PLCL2: variants seen among roughly 807,000 people sequenced by gnomAD.
PLCL2 encodes inactive phospholipase C-like protein 2.
Under a neutral mutation model 79.6 loss-of-function variants are expected in PLCL2, and 4 were observed. The ratio of observed to expected loss-of-function variants is 0.05; its 90% CI spans 0.02 to 0.11. The LOEUF is 0.11. Ranked by LOEUF, PLCL2 falls within the 10% of genes least tolerant of loss-of-function variation. The pLI, the probability that PLCL2 is intolerant of heterozygous loss-of-function variation, is 1.00. For synonymous variants in PLCL2, 484 were observed against 457.7 expected (o/e 1.06, Z -0.73); for missense variants, 895 against 1,291.0 (o/e 0.69, Z 4.70).
At chr3:17,073,717 A>G (rs1293496261) in intron 5 of PLCL2, among the ~76,000 whole-genome samples, 1 of 152,248 alleles carries the variant, frequency 6.6e-6, no homozygotes, top group African/African-American at 2.4e-5. Context: ...AATTACAGCA[A>G]TGTTCACAGC....
intron 1 of PLCL2, among the ~76,000 whole-genome samples, chr3:16,937,013 C>T (rs776609311): frequency 6.6e-6 from 1 of 151,982 alleles, no homozygotes; most frequent in Admixed American, 6.6e-5. Flanking sequence ...TAGTAATATC[C>T]GTGGTTTCTA....
At chr3:17,061,875 G>T (rs1409372232) in intron 4 of PLCL2, among the ~76,000 whole-genome samples, 2 of 152,110 alleles carry the variant, frequency 1.3e-5, no homozygotes, top group Non-Finnish European at 2.9e-5. Flanking sequence ...GACCAGAACT[G>T]AATTAAACTC....
At chr3:17,039,557 A>G (rs2064697790) in intron 3 of PLCL2, among the ~76,000 whole-genome samples, 1 of 152,234 alleles carries the variant, frequency 6.6e-6, no homozygotes, top group Admixed American at 6.5e-5. Flanking sequence ...CCAAAATGAT[A>G]AAAAGATACT....
Position 16,885,113 on chromosome 3 carries a change from A to C in PLCL2, c.74A>C (p.Lys25Thr). The change falls in exon 1 of 6, where the codon AAG becomes ACG. Residue 25 changes from lysine (K) to threonine (T), a missense_variant. Transcript: ENST00000615277. The part of the protein sequence containing the change: ...PTSPGPALGA[K>T]GALKAGVGEG... ...TCCCCGGGCCCGGCCCTCGGCGCCA[A>C]GGGCGCCCTGAAAGCCGGAGTGGGG... The C allele has an allele frequency of 2.2e-6, 1 of 463,990 alleles. No individual in the cohort carries two copies. 28.7% of individuals were successfully genotyped at this position (463,990 alleles called of 1,614,324 possible).
intron 4 of PLCL2, among the ~76,000 whole-genome samples, chr3:17,066,512 G>T (rs2065012613): frequency 6.6e-6 from 1 of 152,232 alleles, no homozygotes; most frequent in Non-Finnish European, 1.5e-5. Context: ...AAGGGAATTA[G>T]AAGTTGGAAT....
In PLCL2 at chr3:17,010,582, T is replaced by C. The variant is rs933140549; in HGVS notation, c.1236T>C (p.Pro412=). ...GGTTCACTAATTACCTTATGTCACC[T>C]GACTGTTATATATTCGATCCAGAAC... ...IDGFTNYLMS[P]DCYIFDPEHK... The change falls in exon 2 of 6, where the codon CCT becomes CCC. Residue 412 remains proline (P), a synonymous_variant. Transcript: ENST00000615277. The surrounding 1 kb of genome is among the most constrained non-coding windows in gnomAD (Gnocchi z 5.8). 6.2e-7 allele frequency: 1 copy of C among 1,614,182 alleles called. No individual in the cohort carries two copies. The highest frequency in any genetic ancestry group is 2.2e-5 in the East Asian group (1 of 44,886).
At chr3:16,989,577 C>T (rs1407469371) in intron 1 of PLCL2, among the ~76,000 whole-genome samples, 7 of 151,890 alleles carry the variant, frequency 4.6e-5, no homozygotes, top group Non-Finnish European at 1.0e-4. Flanking sequence ...TTTATTTTAC[C>T]TGTTTCTTTT....
intron 4 of PLCL2, among the ~76,000 whole-genome samples, chr3:17,044,537 A>G (rs771511163): frequency 1.3e-5 from 2 of 152,208 alleles, no homozygotes; most frequent in Non-Finnish European, 2.9e-5. Flanking sequence ...AATGCATTCC[A>G]TCTTGTAAAC....
chr3:16,948,316 T>C (rs1423707268), intron 1 of PLCL2, among the ~76,000 whole-genome samples: 1 of 151,910 alleles, frequency 6.6e-6, no homozygotes, highest in Non-Finnish European at 1.5e-5. Context: ...ATAGGGCAGA[T>C]CTGTGTGGGG....
chr3:17,021,678 G>A (rs1235944974), intron 3 of PLCL2, among the ~76,000 whole-genome samples: 1 of 151,786 alleles, frequency 6.6e-6, no homozygotes, highest in Non-Finnish European at 1.5e-5. Flanking sequence ...AGCACTTTAG[G>A]GGATGGCAGT....
intron 1 of PLCL2, among the ~76,000 whole-genome samples, chr3:16,924,927 G>T (rs1450131007): frequency 3.4e-5 from 5 of 149,002 alleles, no homozygotes; most frequent in South Asian, 2.1e-4. Flanking sequence ...ATACAAGTTT[G>T]TTTGTTTTTT....
chr3:16,902,688 A>T (rs942555719), intron 1 of PLCL2, among the ~76,000 whole-genome samples: 2 of 152,026 alleles, frequency 1.3e-5, no homozygotes, highest in Non-Finnish European at 2.9e-5. Flanking sequence ...TTAGCTGGGC[A>T]TGGTGATGCG....
At chr3:16,926,075 G>A (rs1697242227) in intron 1 of PLCL2, among the ~76,000 whole-genome samples, 1 of 152,282 alleles carries the variant, frequency 6.6e-6, no homozygotes, top group Non-Finnish European at 1.5e-5. Context: ...AATTTGCAAG[G>A]AGAATGTCTG....
In PLCL2 at chr3:16,915,262, C is replaced by T. The variant is rs1391282265; in HGVS notation, c.327+29896C>T. On this transcript the variant is annotated intron_variant, in intron 1 of 5. Coordinates refer to ENST00000615277, the MANE Select transcript of PLCL2 (RefSeq NM_001144382.2). The stretch of plus-strand genomic sequence containing the variant: ...ATAAAGGTCTAGAAGTTGCTTCAGA[C>T]GTCATTGAAATTTTTATATTTATTC... Among the ~76,000 whole-genome samples, 6 of 152,278 alleles carry T rather than the reference C, an allele frequency of 3.9e-5. 1 individual carries two copies. In the South Asian group the frequency reaches 6.2e-4, roughly 16 times the overall value.
At chr3:17,018,830 G>A (rs541429352) in intron 3 of PLCL2, among the ~76,000 whole-genome samples, 6 of 152,256 alleles carry the variant, frequency 3.9e-5, no homozygotes, top group African/African-American at 1.2e-4. Flanking sequence ...TAAGCTCTTA[G>A]CACGTGCACT....
intron 3 of PLCL2, among the ~76,000 whole-genome samples, chr3:17,023,849 C>T (rs1680096452): frequency 6.6e-6 from 1 of 152,194 alleles, no homozygotes; most frequent in Admixed American, 6.6e-5. Flanking sequence ...AGCTCTGAAA[C>T]TTGTCCTTTG....
intron 3 of PLCL2, among the ~76,000 whole-genome samples, chr3:17,032,504 CT>C (rs2064594542): frequency 6.6e-6 from 1 of 151,938 alleles, no homozygotes; most frequent in African/African-American, 2.4e-5. Flanking sequence ...TGTAGATGTG[CT>C]TTTTTATTTT....
chr3:17,066,800 C>T (rs1412519968), intron 4 of PLCL2, among the ~76,000 whole-genome samples: 14 of 152,096 alleles, frequency 9.2e-5, no homozygotes, highest in Non-Finnish European at 8.8e-5. Context: ...GGACACTGTA[C>T]ATAGTATGCT....
chr3:17,082,518 A>C (rs144067049), intron 5 of PLCL2, among the ~76,000 whole-genome samples: 85 of 152,292 alleles, frequency 5.6e-4, no homozygotes, highest in African/African-American at 1.9e-3. Context: ...AATGAAAGTG[A>C]TGTGGACAAA....
Sources: allele counts gnomAD v4.1 joint callset (sites outside exome capture counted in the v4.1 genomes callset), GRCh38; gene constraint gnomAD v4.1.1; non-coding constraint Gnocchi (gnomAD v3.1); transcripts MANE v1.5; gene names NCBI Gene and HGNC (gene_info 2026-07-23, HGNC 2026-07-21).